ASTN1: variants seen among roughly 807,000 people sequenced by gnomAD.
ASTN1 encodes the protein astrotactin 1, also known as astrotactin-1.
In ASTN1, 41 loss-of-function variants were observed where a neutral mutation model predicts 140.7. That is an observed-to-expected ratio of 0.29 (90% CI 0.23 to 0.38). The LOEUF (loss-of-function observed/expected upper bound fraction) is 0.38, where lower values mean the gene tolerates loss of function less well. Ranked by LOEUF, ASTN1 falls within the 10% of genes least tolerant of loss-of-function variation. The probability of loss-of-function intolerance (pLI) is 1.00; values close to 1 mark genes in which losing one functional copy is unlikely to be tolerated. For missense variants in ASTN1, 1,479 were observed against 1,678.8 expected (o/e 0.88, Z 2.08); for synonymous variants, 640 against 652.2 (o/e 0.98, Z 0.29).
rs368821383 is a variant in ASTN1 at position 177,061,268 on chromosome 1, A to G, written c.284-3T>C. The G allele has an allele frequency of 2.0e-6, 3 of 1,514,438 alleles. No homozygotes were observed. The highest frequency in any genetic ancestry group is 2.7e-6 in the Non-Finnish European group (3 of 1,127,600). The allele number at this position is 1,514,438 out of a possible 1,614,324, so 93.8% of individuals were successfully genotyped here. A position where few individuals can be genotyped will look rare whatever the true frequency, so the allele number is the denominator to read the frequency against. On this transcript the variant is annotated splice_polypyrimidine_tract_variant and splice_region_variant and intron_variant, in intron 1 of 22. Transcript: ENST00000361833. ...ATCCTCTGTGTTCCCTGAGATCTCT[A>G]GAAGATGAACACCAAAGGCACAGGT...
chr1:176,960,203 T>C (rs1229566507), intron 9 of ASTN1, among the ~76,000 whole-genome samples: 1 of 152,162 alleles, frequency 6.6e-6, no homozygotes, highest in Non-Finnish European at 1.5e-5. Context: ...CACTTTGCAT[T>C]TCATAATGGA....
At chr1:177,080,259 C>CAA (rs11300384) in intron 1 of ASTN1, among the ~76,000 whole-genome samples, 41 of 48,370 alleles carry the variant, frequency 8.5e-4, no homozygotes, top group East Asian at 3.0e-3. Flanking sequence ...ATCACCAGGC[C>CAA]AAAAAAAAAA....
intron 16 of ASTN1, among the ~76,000 whole-genome samples, chr1:176,914,102 G>C (rs1016324356): frequency 3.3e-5 from 5 of 152,292 alleles, no homozygotes; most frequent in Admixed American, 2.6e-4. Context: ...GAATCTCAGT[G>C]GTTGGTGCTA....
At chr1:176,966,728 T>A (rs994310648) in intron 8 of ASTN1, among the ~76,000 whole-genome samples, 6 of 151,890 alleles carry the variant, frequency 4.0e-5, no homozygotes, top group African/African-American at 1.2e-4. Context: ...TTATGGTGAA[T>A]CTGTACTAGG....
chr1:177,085,014 A>G (rs1284516673), intron 1 of ASTN1, among the ~76,000 whole-genome samples: 1 of 152,188 alleles, frequency 6.6e-6, no homozygotes. Flanking sequence ...GTTGAGCACA[A>G]CAAGTGAATG....
chr1:177,111,266 G>A (rs1221481136), intron 1 of ASTN1, among the ~76,000 whole-genome samples: 1 of 152,130 alleles, frequency 6.6e-6, no homozygotes, highest in Non-Finnish European at 1.5e-5. Flanking sequence ...ATTAAGTAAT[G>A]GAGCTAATTC....
At chr1:177,146,263 TGAA>T (rs1682717128) in intron 1 of ASTN1, among the ~76,000 whole-genome samples, 1 of 152,164 alleles carries the variant, frequency 6.6e-6, no homozygotes, top group Non-Finnish European at 1.5e-5. Flanking sequence ...ATGAAATCGA[TGAA>T]GAAAGTCCTG....
intron 1 of ASTN1, among the ~76,000 whole-genome samples, chr1:177,128,377 G>C (rs1025349599): frequency 6.6e-6 from 1 of 152,116 alleles, no homozygotes; most frequent in Non-Finnish European, 1.5e-5. Flanking sequence ...TTGCTTAATT[G>C]AATCAAAATT....
intron 2 of ASTN1, among the ~76,000 whole-genome samples, chr1:177,036,731 T>A (rs892410347): frequency 2.0e-5 from 3 of 152,260 alleles, no homozygotes; most frequent in Admixed American, 1.3e-4. Flanking sequence ...CTTTGGTAAC[T>A]GTCCTTCTAC....
chr1:177,094,374 G>A (rs1679921884), intron 1 of ASTN1, among the ~76,000 whole-genome samples: 1 of 152,190 alleles, frequency 6.6e-6, no homozygotes, highest in Non-Finnish European at 1.5e-5. Context: ...AAGGGAGGCT[G>A]CCTATGCACA....
chr1:177,073,173 G>C (rs573990112), intron 1 of ASTN1, among the ~76,000 whole-genome samples: 2 of 152,266 alleles, frequency 1.3e-5, no homozygotes, highest in African/African-American at 4.8e-5. Context: ...AAAAGGCACA[G>C]AGCTGGAAGG....
intron 1 of ASTN1, among the ~76,000 whole-genome samples, chr1:177,084,968 A>G (rs1241861953): frequency 6.6e-6 from 1 of 152,162 alleles, no homozygotes; most frequent in Non-Finnish European, 1.5e-5. Flanking sequence ...GATACTGTGA[A>G]CTTCTAACTG....
downstream of ASTN1, among the ~76,000 whole-genome samples, chr1:176,858,779 A>C (rs1037850952): frequency 2.6e-5 from 4 of 152,166 alleles, no homozygotes; most frequent in Non-Finnish European, 5.9e-5. Context: ...ATTGTCTGAC[A>C]TGGGGTAACT....
At chr1:176,882,638 G>C (rs748036671) in intron 20 of ASTN1, among the ~76,000 whole-genome samples, 1 of 151,376 alleles carries the variant, frequency 6.6e-6, no homozygotes, top group Middle Eastern at 3.4e-3. Context: ...CCTCTATGTT[G>C]CAAACTCCTC....
At chr1:176,930,905 A>G (rs933845414) in intron 16 of ASTN1, among the ~76,000 whole-genome samples, 29 of 152,142 alleles carry the variant, frequency 1.9e-4, no homozygotes, top group African/African-American at 7.0e-4. Context: ...AGGAAGATAC[A>G]AGTTTGGAGA....
chr1:176,870,156 C>G (rs1474101234), intron 21 of ASTN1, among the ~76,000 whole-genome samples: 1 of 152,082 alleles, frequency 6.6e-6, no homozygotes, highest in East Asian at 1.9e-4. Context: ...TTAATTTGTC[C>G]AAAAGGAGAT....
At chr1:177,135,922 T>C (rs1025637164) in intron 1 of ASTN1, among the ~76,000 whole-genome samples, 1 of 152,254 alleles carries the variant, frequency 6.6e-6, no homozygotes, top group African/African-American at 2.4e-5. Context: ...ATTAAAATTT[T>C]ACAAGCATTG....
intron 16 of ASTN1, among the ~76,000 whole-genome samples, chr1:176,895,135 A>G (rs1190538265): frequency 6.6e-6 from 1 of 152,232 alleles, no homozygotes; most frequent in Non-Finnish European, 1.5e-5. Context: ...ACAAACCATA[A>G]CAGTGATTGT....
chr1:177,020,338 CT>C (rs1402572446), intron 7 of ASTN1, among the ~76,000 whole-genome samples: 1 of 152,202 alleles, frequency 6.6e-6, no homozygotes, highest in Non-Finnish European at 1.5e-5. Context: ...GTCTATAGAG[CT>C]ATGTTGCCTT....
Sources: allele counts gnomAD v4.1 joint callset (sites outside exome capture counted in the v4.1 genomes callset), GRCh38; gene constraint gnomAD v4.1.1; transcripts MANE v1.5; gene names NCBI Gene and HGNC (gene_info 2026-07-23, HGNC 2026-07-21).